ZNG1A: variants seen among roughly 807,000 people sequenced by gnomAD.
ZNG1A encodes the protein zinc-regulated GTPase metalloprotein activator 1A.
the ZNG1A span, chr9:163,873 T>C: frequency 9.4e-7 from 1 of 1,066,930 alleles, no homozygotes; most frequent in Non-Finnish European, 1.4e-6. Context: ...GCCGAGATCA[T>C]GCCACTGCAC....
At chr9:146,042 G>T in the ZNG1A span, 1 of 1,327,430 alleles carries the variant, frequency 7.5e-7, no homozygotes, top group Non-Finnish European at 1.0e-6. Flanking sequence ...CATCATTCCT[G>T]TTAACTATGG....
the ZNG1A span, among the ~76,000 whole-genome samples, chr9:163,737 C>G: frequency 1.4e-3 from 208 of 151,424 alleles, 4 homozygotes; most frequent in Non-Finnish European, 4.7e-4. Flanking sequence ...GCCAACATGG[C>G]GAAACCCCGT....
the ZNG1A span, chr9:148,082 A>ATAAAAT: frequency 7.2e-6 from 1 of 138,900 alleles, no homozygotes; most frequent in Admixed American, 7.5e-5. Context: ...AAAAATAAAA[A>ATAAAAT]TAAACCAAAT....
the ZNG1A span, among the ~76,000 whole-genome samples, chr9:128,451 T>C: frequency 5.3e-5 from 8 of 151,670 alleles, no homozygotes; most frequent in South Asian, 1.2e-3. Flanking sequence ...ATTTCCTTCT[T>C]CTACTTGTTC....
At chr9:177,470 A>T in the ZNG1A span, among the ~76,000 whole-genome samples, 1 of 151,316 alleles carries the variant, frequency 6.6e-6, no homozygotes, top group Non-Finnish European at 1.5e-5. Context: ...TAGGACATCA[A>T]AATAGAAATT....
At chr9:141,188 G>A in the ZNG1A span, among the ~76,000 whole-genome samples, 1 of 136,786 alleles carries the variant, frequency 7.3e-6, no homozygotes, top group African/African-American at 2.8e-5. Context: ...GAAATACAGA[G>A]AATGCCACAA....
chr9:151,410 G>C, the ZNG1A span: 2 of 923,964 alleles, frequency 2.2e-6, no homozygotes, highest in South Asian at 5.2e-5. Context: ...CTGTTGCTGA[G>C]TCTATTAGCT....
chr9:163,177 A>G, the ZNG1A span, among the ~76,000 whole-genome samples: 1 of 152,118 alleles, frequency 6.6e-6, no homozygotes, highest in African/African-American at 2.4e-5. Context: ...TTCGACTGAG[A>G]AAGGGAGAAA....
chr9:142,657 TC>T, the ZNG1A span, among the ~76,000 whole-genome samples: 1 of 104,146 alleles, frequency 9.6e-6, no homozygotes, highest in Non-Finnish European at 1.8e-5. Flanking sequence ...GCAAACACAT[TC>T]AAAAGCTAGC....
the ZNG1A span, among the ~76,000 whole-genome samples, chr9:173,669 T>A: frequency 6.6e-6 from 1 of 152,196 alleles, no homozygotes; most frequent in Non-Finnish European, 1.5e-5. Context: ...CTTGAAGGCA[T>A]TTTTTTCTTG....
the ZNG1A span, among the ~76,000 whole-genome samples, chr9:143,125 A>G: frequency 2.7e-5 from 4 of 146,116 alleles, no homozygotes; most frequent in Non-Finnish European, 3.0e-5. Flanking sequence ...ACAAGGAGGA[A>G]CTGGTACCAT....
the ZNG1A span, among the ~76,000 whole-genome samples, chr9:140,306 C>G: frequency 3.3e-5 from 5 of 151,854 alleles, no homozygotes; most frequent in East Asian, 1.9e-4. Context: ...CAGCACGCAG[C>G]TGGAGATCTG....
the ZNG1A span, among the ~76,000 whole-genome samples, chr9:160,950 A>G: frequency 4.6e-5 from 7 of 151,024 alleles, no homozygotes; most frequent in African/African-American, 1.7e-4. Flanking sequence ...GTAATACTGT[A>G]TTTGGGATCA....
At chr9:141,075 T>A in the ZNG1A span, among the ~76,000 whole-genome samples, 2 of 137,918 alleles carry the variant, frequency 1.5e-5, no homozygotes, top group African/African-American at 5.7e-5. Context: ...TTGGTGTACC[T>A]GAAAGTGACA....
chr9:163,356 G>C, the ZNG1A span, among the ~76,000 whole-genome samples: 1 of 151,166 alleles, frequency 6.6e-6, no homozygotes, highest in African/African-American at 2.4e-5. Context: ...TAAAATAAAA[G>C]GCTCTAACAT....
the ZNG1A span, among the ~76,000 whole-genome samples, chr9:178,605 G>C: frequency 0.016 from 1,710 of 109,688 alleles, 230 homozygotes; most frequent in African/African-American, 0.046. Flanking sequence ...TCTCACTTGA[G>C]AAATGGGAAT....
the ZNG1A span, chr9:153,785 T>C: frequency 2.7e-5 from 4 of 149,066 alleles, no homozygotes; most frequent in African/African-American, 9.8e-5. Flanking sequence ...CAATTGATAA[T>C]ATATACTATA....
chr9:156,335 T>C, the ZNG1A span: 1 of 1,144,086 alleles, frequency 8.7e-7, no homozygotes, highest in Non-Finnish European at 1.2e-6. Flanking sequence ...TATAAATAGA[T>C]AGCAATAATT....
the ZNG1A span, among the ~76,000 whole-genome samples, chr9:127,605 T>C: frequency 6.6e-6 from 1 of 152,200 alleles, no homozygotes; most frequent in African/African-American, 2.4e-5. Context: ...AGGCAACAGA[T>C]AGTTGGTTGG....
Sources: gnomAD v4.1 joint callset for allele counts (sites outside exome capture counted in the v4.1 genomes callset) on GRCh38, gnomAD v4.1.1 for gene constraint, MANE v1.5 for transcripts, NCBI Gene and HGNC (gene_info 2026-07-23, HGNC 2026-07-21) for gene names.